The following IQGAP1 variants were observed in gnomAD, a reference collection of about 807,000 sequenced individuals.
IQGAP1 encodes the protein IQ motif containing GTPase activating protein 1, also known as ras GTPase-activating-like protein IQGAP1.
Under a neutral mutation model 215.6 loss-of-function variants are expected in IQGAP1, and 66 were observed. The observed-to-expected ratio is 0.31, with a 90% CI of 0.25 to 0.38. The LOEUF (loss-of-function observed/expected upper bound fraction) is 0.38, where lower values mean the gene tolerates loss of function less well. IQGAP1 is among the 10% of genes least tolerant of loss of function. IQGAP1 has a pLI of 1.00. For synonymous variants in IQGAP1, 772 were observed against 728.7 expected, an observed-to-expected ratio of 1.06 and a Z score of -0.96; for missense variants, 1,712 against 1,997.1, an observed-to-expected ratio of 0.86 and a Z score of 2.72.
At position 90,473,640 on chromosome 15, in the gene IQGAP1, A is replaced by G; in HGVS notation, c.2350-75A>G. ...TGAAATTGCACTTGGATCATGTATC[A>G]AGATGAAAGTTTTTTTTTAACTTCC... On this transcript the variant is annotated intron_variant, in intron 19 of 37. Transcript: ENST00000268182. 2.8e-6 allele frequency: 3 copies of G among 1,064,646 alleles called. No homozygotes were observed. The South Asian group carries it at 4.3e-5, about 15-fold the overall frequency. The allele number at this position is 1,064,646 out of a possible 1,614,324, so 65.9% of individuals were successfully genotyped here. A position where few individuals can be genotyped will look rare whatever the true frequency, so the allele number is the denominator to read the frequency against.
chr15:90,427,159 G>C (rs952674361), intron 3 of IQGAP1, among the ~76,000 whole-genome samples: 2 of 151,990 alleles, frequency 1.3e-5, no homozygotes, highest in African/African-American at 4.8e-5. Flanking sequence ...CTACTTGGGA[G>C]ACTGAGGCAA....
At chr15:90,454,722 G>C (rs1965654858) in intron 14 of IQGAP1, among the ~76,000 whole-genome samples, 170 bp downstream of exon 14, 1 of 152,214 alleles carries the variant, frequency 6.6e-6, no homozygotes, top group Non-Finnish European at 1.5e-5. Context: ...CCAGGCAATT[G>C]CTATAATTAG....
intron 31 of IQGAP1, 121 bp from the exon 32 acceptor site, chr15:90,486,833 C>T: frequency 1.0e-6 from 1 of 971,958 alleles, no homozygotes; most frequent in Non-Finnish European, 1.6e-6. Flanking sequence ...TCTCGTCACA[C>T]TGTATGTGTT....
At position 90,476,815 on chromosome 15, in the gene IQGAP1, G is replaced by C. The variant is rs1210365546; in HGVS notation, c.2937G>C (p.Leu979Phe). Residue 979 changes from leucine (L) to phenylalanine (F), a missense_variant, in exon 24 of 38, where the codon TTG becomes TTC. By Grantham distance (22) the Leu-to-Phe change is conservative. Coordinates refer to ENST00000268182, the MANE Select transcript of IQGAP1 (RefSeq NM_003870.4). ...CTTACCAGCACCTGTTTTATTTATTGCAAGTAAGTGGCTCCTGGAATCAGT... is the reference window on the plus strand; with the variant it reads ...CTTACCAGCACCTGTTTTATTTATTCCAAGTAAGTGGCTCCTGGAATCAGT... ...LEAYQHLFYL[L>F]QTNPTYLAKL... The C allele has an allele frequency of 6.3e-7, 1 of 1,585,114 alleles. No homozygotes were observed. Among genetic ancestry groups the C allele is most frequent in the African/African-American group, 1.4e-5 (1 of 72,622 alleles).
At chr15:90,492,402 C>A in intron 34 of IQGAP1, 143 bp from the exon 35 acceptor site, 1 of 598,990 alleles carries the variant, frequency 1.7e-6, no homozygotes, top group Non-Finnish European at 2.6e-6. Flanking sequence ...ACACTCGAGC[C>A]TGGGCAACAG....
chr15:90,483,697 A>G lies in IQGAP1; in HGVS notation c.3788+104A>G, dbSNP rs1596290116. On this transcript the variant is annotated intron_variant, in intron 29 of 37. Coordinates refer to ENST00000268182, the MANE Select transcript of IQGAP1 (RefSeq NM_003870.4). ...CACCTCTCACTTTCCCCGGACTGCC[A>G]TATGTAGAAGACGTGTTTGATGTGC... The G allele has an allele frequency of 6.3e-6, 5 of 788,080 alleles. No homozygotes were observed. The South Asian group carries it at 6.6e-5, about 10-fold the overall frequency. 48.8% of individuals were successfully genotyped at this position (788,080 alleles called of 1,614,324 possible). A position where few individuals can be genotyped will look rare whatever the true frequency, so the allele number is the denominator to read the frequency against.
chr15:90,443,766 C>T (rs184739723), intron 9 of IQGAP1, among the ~76,000 whole-genome samples: 1 of 152,192 alleles, frequency 6.6e-6, no homozygotes, highest in African/African-American at 2.4e-5. Flanking sequence ...ATTTTCCTGG[C>T]CAGGCACAGT....
chr15:90,464,249 A>C (rs1284095193), intron 15 of IQGAP1, among the ~76,000 whole-genome samples: 1 of 152,070 alleles, frequency 6.6e-6, no homozygotes, highest in African/African-American at 2.4e-5. Flanking sequence ...CCACTTTAAA[A>C]CCTGAAGTGC....
chr15:90,500,158 A>T lies in IQGAP1; in HGVS notation c.*50A>T, dbSNP rs754640071. On this transcript the variant is annotated 3_prime_UTR_variant, in exon 38 of 38. Coordinates refer to ENST00000268182, the MANE Select transcript of IQGAP1 (RefSeq NM_003870.4). ...AGGATGAAGGAAAGAAGCACCTCAC[A>T]GCTCCTTTCTAGGTCCTTCTTTCCT... 4.8e-6 allele frequency: 5 copies of T among 1,038,490 alleles called. No individual in the cohort carries two copies. In the South Asian group the frequency reaches 6.4e-5, roughly 13 times the overall value. The allele number at this position is 1,038,490 out of a possible 1,614,324, so 64.3% of individuals were successfully genotyped here. A position where few individuals can be genotyped will look rare whatever the true frequency, so the allele number is the denominator to read the frequency against.
chr15:90,439,743 T>G (rs575042733), intron 6 of IQGAP1, among the ~76,000 whole-genome samples: 12 of 152,324 alleles, frequency 7.9e-5, no homozygotes, highest in African/African-American at 2.9e-4. Context: ...TCCCTTTCCA[T>G]TCCAGCAAGC....
At chr15:90,455,806 G>A (rs76833593) in intron 14 of IQGAP1, among the ~76,000 whole-genome samples, 2,132 of 152,230 alleles carry the variant, frequency 0.014, 38 homozygotes, top group African/African-American at 0.048. Context: ...AAGACTCTTC[G>A]TGAATCCTTT....
chr15:90,392,159 C>G (rs1964644794), intron 2 of IQGAP1, among the ~76,000 whole-genome samples: 1 of 152,148 alleles, frequency 6.6e-6, no homozygotes, highest in East Asian at 1.9e-4. Context: ...GGGGCAAACA[C>G]TAACCTGTAT....
Position 90,473,700 on chromosome 15 carries a change from A to G in IQGAP1, c.2350-15A>G. ...TGGGAAGTAATATGTCTTCTGTAAC[A>G]TTTGACTGTTTCAGTCACAGTGGAG... On this transcript the variant is annotated splice_polypyrimidine_tract_variant and intron_variant, in intron 19 of 37. Coordinates refer to ENST00000268182, the MANE Select transcript of IQGAP1 (RefSeq NM_003870.4). 1 of 1,582,132 alleles carries G rather than the reference A, an allele frequency of 6.3e-7. No homozygotes were observed. Among genetic ancestry groups the G allele is most frequent in the Admixed American group, 1.7e-5 (1 of 59,512 alleles).
chr15:90,472,770 T>C lies in IQGAP1; in HGVS notation c.2179-70T>C, dbSNP rs1965923280. 9.1e-6 allele frequency: 13 copies of C among 1,430,676 alleles called. No homozygotes were observed. In the Admixed American group the frequency reaches 2.4e-4, roughly 27 times the overall value. 88.6% of individuals were successfully genotyped at this position (1,430,676 alleles called of 1,614,324 possible). A position where few individuals can be genotyped will look rare whatever the true frequency, so the allele number is the denominator to read the frequency against. On this transcript the variant is annotated intron_variant, in intron 18 of 37. Coordinates refer to ENST00000268182, the MANE Select transcript of IQGAP1 (RefSeq NM_003870.4). ...GAGGTGTTAGCTTGTGTGCTGTGGA[T>C]GATACTTCGTGAAAACCTGCATCCA...
intron 33 of IQGAP1, 86 bp from the exon 34 acceptor site, chr15:90,491,247 T>G: frequency 4.5e-6 from 5 of 1,123,106 alleles, no homozygotes; most frequent in Non-Finnish European, 6.6e-6. Flanking sequence ...AAGAACTGTA[T>G]AAGTTCAGGT....
In IQGAP1 at chr15:90,473,017, C is replaced by T. The variant is rs1366515360; in HGVS notation, c.2349+7C>T. 6 of 1,612,794 alleles carry T rather than the reference C, an allele frequency of 3.7e-6. No individual in the cohort carries two copies. The highest frequency in any genetic ancestry group is 5.1e-6 in the Non-Finnish European group (6 of 1,179,080). On this transcript the variant is annotated splice_region_variant and intron_variant, in intron 19 of 37. Transcript: ENST00000268182. ...TGCCATCACCTGCATTCAGGTATTTCAGAACCTATCACACAGACAGCAAGC... is the reference window on the plus strand; with the variant it reads ...TGCCATCACCTGCATTCAGGTATTTTAGAACCTATCACACAGACAGCAAGC...
rs1249644856 is a variant in IQGAP1, at chr15:90,439,367, T to G, written c.503T>G (p.Ile168Ser). 1 of 1,613,384 alleles carries G rather than the reference T, an allele frequency of 6.2e-7. No homozygotes were observed. The change falls in exon 6 of 38, where the codon ATT becomes AGT. Residue 168 changes from isoleucine (I) to serine (S), a missense_variant. By Grantham distance (142) the Ile-to-Ser change is moderately radical. This residue lies in a region of IQGAP1 where 1,021 missense variants were observed against 1,074.2 expected (regional missense o/e 0.95). Transcript: ENST00000268182. The part of the protein sequence containing the change: ...YLFKLGLAPQ[I>S]QDLYGKVDFT... Reference sequence around the variant, plus strand: ...TTCAAGCTAGGCCTGGCCCCTCAGATTCAAGACCTATATGGAAAGGTTGAC... The same window carrying G: ...TTCAAGCTAGGCCTGGCCCCTCAGAGTCAAGACCTATATGGAAAGGTTGAC...
intron 34 of IQGAP1, 101 bp from the exon 35 acceptor site, chr15:90,492,444 A>T: frequency 5.9e-4 from 271 of 460,950 alleles, no homozygotes; most frequent in Non-Finnish European, 8.7e-4. Context: ...AAAAAAAAGT[A>T]GGTAGTCATA....
chr15:90,476,981 T>C, intron 24 of IQGAP1, 86 bp from the exon 25 acceptor site: 1 of 1,397,314 alleles, frequency 7.2e-7, no homozygotes, highest in South Asian at 1.2e-5. Context: ...TCATATGTAT[T>C]GTAGTCCTTC....
Sources: gnomAD v4.1 joint callset for allele counts (sites outside exome capture counted in the v4.1 genomes callset) on GRCh38, gnomAD v4.1.1 for gene constraint, gnomAD v4.1.1 regional missense constraint, MANE v1.5 for transcripts, NCBI Gene and HGNC (gene_info 2026-07-23, HGNC 2026-07-21) for gene names.